Variants in IFT140 observed in about 807,000 individuals in gnomAD.
IFT140 encodes the protein intraflagellar transport 140.
IFT140 carries 133 observed loss-of-function variants against 164.6 expected under a neutral mutation model. The observed-to-expected ratio is 0.81, with a 90% CI of 0.70 to 0.93. The LOEUF (loss-of-function observed/expected upper bound fraction) is 0.93, where lower values mean the gene tolerates loss of function less well. IFT140 is among the 40% of genes least tolerant of loss of function. IFT140 has a pLI of 0.00. For synonymous variants in IFT140, 860 were observed against 817.3 expected (o/e 1.05, Z -0.89); for missense variants, 2,045 against 1,972.3 (o/e 1.04, Z -0.70).
At chr16:1,540,228 C>T (rs1209752087) in intron 19 of IFT140, among the ~76,000 whole-genome samples, 2 of 152,220 alleles carry the variant, frequency 1.3e-5, no homozygotes, top group East Asian at 1.9e-4. Flanking sequence ...GCAGATGCCT[C>T]GGCTCCAGAG....
At chr16:1,585,527 G>GTATA (rs749751303) in intron 10 of IFT140, among the ~76,000 whole-genome samples, 14 of 152,114 alleles carry the variant, frequency 9.2e-5, no homozygotes, top group Non-Finnish European at 1.9e-4. Context: ...AAACCACTTT[G>GTATA]TATATATCAT....
At chr16:1,520,427 G>A in intron 27 of IFT140, 84 bp from the exon 28 acceptor site, 1 of 1,477,364 alleles carries the variant, frequency 6.8e-7, no homozygotes, top group Non-Finnish European at 9.4e-7. Flanking sequence ...GCTCTCACAA[G>A]AAGAGTGGCT....
At chr16:1,536,829 C>A (rs1171954400) in intron 19 of IFT140, among the ~76,000 whole-genome samples, 1 of 152,214 alleles carries the variant, frequency 6.6e-6, no homozygotes, top group Non-Finnish European at 1.5e-5. Context: ...CGGGGTGGCC[C>A]CTCTGTCCAC....
At chr16:1,513,817 G>T (rs2040254483) in intron 30 of IFT140, among the ~76,000 whole-genome samples, 1 of 149,576 alleles carries the variant, frequency 6.7e-6, no homozygotes, top group Non-Finnish European at 1.5e-5. Flanking sequence ...GGGACTACAG[G>T]CGCCCACCAC....
At chr16:1,591,895 C>T (rs2035200868) in intron 6 of IFT140, among the ~76,000 whole-genome samples, 1 of 152,248 alleles carries the variant, frequency 6.6e-6, no homozygotes, top group Non-Finnish European at 1.5e-5. Flanking sequence ...GCCATGCAGT[C>T]AGCCTGTAAA....
rs1464344264 is a variant in IFT140, at chr16:1,551,802, G to A, written c.2399+6133C>T. On this transcript the variant is annotated intron_variant, in intron 19 of 30. Coordinates refer to ENST00000426508, the MANE Select transcript of IFT140 (RefSeq NM_014714.4). The surrounding 1 kb of genome is among the most constrained non-coding windows in gnomAD (Gnocchi z 4.0). ...GCAGATCCGGCAAGATCAACTCTGCGGGACCTCCCACCCGGGCTGGTTGCC... is the reference window on the plus strand; with the variant it reads ...GCAGATCCGGCAAGATCAACTCTGCAGGACCTCCCACCCGGGCTGGTTGCC... 6.6e-6 allele frequency among the ~76,000 whole-genome samples: 1 copy of A among 152,156 alleles called. No homozygotes were observed. The highest frequency in any genetic ancestry group is 1.5e-5 in the Non-Finnish European group (1 of 68,036).
In IFT140 at chr16:1,520,021, G is replaced by A. The variant is rs148387007; in HGVS notation, c.3900C>T (p.Tyr1300=). The part of the protein sequence containing the change: ...AQVEIDEYQN[Y]DKAHGALTEA... ...CGGTCAGCGCCCCGTGGGCTTTGTC[G>A]TAGTTCTGGTATTCATCAATCTCCA... Residue 1300 remains tyrosine (Y), a synonymous_variant, in exon 29 of 31, where the codon TAC becomes TAT. Coordinates refer to ENST00000426508, the MANE Select transcript of IFT140 (RefSeq NM_014714.4). The A allele has an allele frequency of 1.6e-4, 260 of 1,600,498 alleles. 1 individual carries two copies. In the African/African-American group the frequency reaches 2.3e-3, roughly 14 times the overall value.
chr16:1,530,903 C>T (rs2030408394), intron 19 of IFT140: 1 of 152,326 alleles, frequency 6.6e-6, no homozygotes, highest in African/African-American at 2.4e-5. Flanking sequence ...GTGCGGCCAC[C>T]AGTGGAGGCT....
At position 1,510,951 on chromosome 16, in the gene IFT140, T is replaced by C. The variant is rs1481585271; in HGVS notation, c.4382A>G (p.Asp1461Gly). The C allele has an allele frequency of 1.2e-6, 2 of 1,610,980 alleles. No individual in the cohort carries two copies. The highest frequency in any genetic ancestry group is 1.7e-5 in the Admixed American group (1 of 59,812). The change falls in exon 31 of 31, where the codon GAC becomes GGC. Residue 1461 changes from aspartate (D) to glycine (G), a missense_variant. By Grantham distance (94) the Asp-to-Gly change is moderately conservative. Coordinates refer to ENST00000426508, the MANE Select transcript of IFT140 (RefSeq NM_014714.4). ...DEEVVEEADD[D>G]P ...TCCTGGGGCCCAGGCCCCTCAGGGG[T>C]CGTCATCTGCCTCTTCCACCACCTC...
chr16:1,536,586 C>T (rs2069702686), intron 19 of IFT140, among the ~76,000 whole-genome samples: 1 of 152,224 alleles, frequency 6.6e-6, no homozygotes, highest in African/African-American at 2.4e-5. Flanking sequence ...GGAAAAGGAA[C>T]AGGCTCAACG....
At chr16:1,526,532 G>T (rs370335575) in intron 20 of IFT140, 87 bp downstream of exon 20, 11 of 1,305,034 alleles carry the variant, frequency 8.4e-6, no homozygotes, top group African/African-American at 1.5e-5. Context: ...GGCTCAGGCC[G>T]GTGGGCGTGC....
chr16:1,566,818 T>C (rs1195563197), intron 15 of IFT140, among the ~76,000 whole-genome samples: 2 of 152,136 alleles, frequency 1.3e-5, no homozygotes, highest in Non-Finnish European at 2.9e-5. Context: ...TCGACCTTTT[T>C]GAGGCTCCTG....
At chr16:1,555,866 G>T (rs538871825) in intron 19 of IFT140, among the ~76,000 whole-genome samples, 1 of 152,196 alleles carries the variant, frequency 6.6e-6, no homozygotes, top group Non-Finnish European at 1.5e-5. Context: ...CACTTTGGGA[G>T]GCTGAGGCGG....
At chr16:1,608,916 G>A (rs374499696) in intron 2 of IFT140, among the ~76,000 whole-genome samples, 137 of 152,214 alleles carry the variant, frequency 9.0e-4, no homozygotes, top group African/African-American at 3.2e-3. Flanking sequence ...AGCACTTTGG[G>A]AGGCCGAGGC....
intron 4 of IFT140, chr16:1,602,157 A>G (rs1796863652): frequency 1.7e-6 from 1 of 580,932 alleles, no homozygotes. Flanking sequence ...GTTTCCCAGC[A>G]AAGTTCATTT....
At chr16:1,512,218 G>T in intron 30 of IFT140, among the ~76,000 whole-genome samples, 1 of 130,928 alleles carries the variant, frequency 7.6e-6, no homozygotes, top group Non-Finnish European at 1.6e-5. Context: ...GGCAGGATGG[G>T]GGGCAGGACA....
chr16:1,559,102 G>A (rs776423411), intron 18 of IFT140, among the ~76,000 whole-genome samples: 20 of 152,356 alleles, frequency 1.3e-4, no homozygotes, highest in Non-Finnish European at 2.2e-4. Flanking sequence ...CGATGGAGTG[G>A]AGGGCCTGAG....
chr16:1,544,574 C>CCCA (rs2031981130), intron 19 of IFT140, among the ~76,000 whole-genome samples: 1 of 152,148 alleles, frequency 6.6e-6, no homozygotes, highest in African/African-American at 2.4e-5. Flanking sequence ...AGGTGATCCA[C>CCCA]CCACCTCAGC....
chr16:1,570,988 C>G (rs2033984129), intron 14 of IFT140, among the ~76,000 whole-genome samples: 1 of 152,194 alleles, frequency 6.6e-6, no homozygotes, highest in Non-Finnish European at 1.5e-5. Context: ...AACTCCTGGG[C>G]TCAAGCAGTC....
Sources: allele counts gnomAD v4.1 joint callset (sites outside exome capture counted in the v4.1 genomes callset), GRCh38; gene constraint gnomAD v4.1.1; non-coding constraint Gnocchi (gnomAD v3.1); transcripts MANE v1.5; gene names NCBI Gene and HGNC (gene_info 2026-07-23, HGNC 2026-07-21).